Variants in KAZN observed in about 807,000 individuals in gnomAD.
The protein encoded by KAZN is kazrin, periplakin interacting protein, also known as kazrin.
Under a neutral mutation model 87.4 loss-of-function variants are expected in KAZN, and 40 were observed. That is an observed-to-expected ratio of 0.46 (90% CI 0.36 to 0.60). The LOEUF is 0.60. KAZN is among the 20% of genes least tolerant of loss of function. KAZN has a pLI of 0.00. For missense variants in KAZN, 898 were observed against 1,073.9 expected (o/e 0.84, Z 2.29); for synonymous variants, 466 against 458.3 (o/e 1.02, Z -0.22).
intron 2 of KAZN, among the ~76,000 whole-genome samples, chr1:15,000,424 C>T (rs1668348850): frequency 6.6e-6 from 1 of 151,860 alleles, no homozygotes. Flanking sequence ...TAATTTGTTA[C>T]AGCAACAATA....
chr1:14,676,129 T>TC (rs1443693978), intron 1 of KAZN, among the ~76,000 whole-genome samples: 3 of 152,206 alleles, frequency 2.0e-5, no homozygotes, highest in Non-Finnish European at 4.4e-5. Flanking sequence ...TGGTTTTTTT[T>TC]CCGGTTTGAA....
intron 2 of KAZN, among the ~76,000 whole-genome samples, chr1:14,450,660 C>T (rs954188878): frequency 1.3e-5 from 2 of 152,030 alleles, no homozygotes; most frequent in African/African-American, 4.8e-5. Flanking sequence ...GATATTGTGA[C>T]GATGGTGGGG....
rs780049691 is a variant in KAZN at position 15,112,421 on chromosome 1, C to G, written c.2049-6C>G. The G allele has an allele frequency of 6.3e-6, 10 of 1,576,326 alleles. No homozygotes were observed. The highest frequency in any genetic ancestry group is 1.3e-5 in the African/African-American group (1 of 74,184). On this transcript the variant is annotated splice_polypyrimidine_tract_variant and splice_region_variant and intron_variant, in intron 13 of 14. Transcript: ENST00000376030. Reference sequence around the variant, plus strand: ...CCCTGCTGACTCAAAATGGTCCTCTCTTCAGCTCCACAGGCATCCGGGAGG... The same window carrying G: ...CCCTGCTGACTCAAAATGGTCCTCTGTTCAGCTCCACAGGCATCCGGGAGG...
intron 2 of KAZN, among the ~76,000 whole-genome samples, chr1:14,204,044 A>G (rs1646691710): frequency 6.6e-6 from 1 of 152,252 alleles, no homozygotes; most frequent in Non-Finnish European, 1.5e-5. Flanking sequence ...AGAAAACCCA[A>G]GAAAGAAGCT....
At chr1:14,169,238 C>T (rs1431823690) in intron 1 of KAZN, among the ~76,000 whole-genome samples, 1 of 152,098 alleles carries the variant, frequency 6.6e-6, no homozygotes, top group Non-Finnish European at 1.5e-5. Context: ...GGCTCTATCT[C>T]TGCTCTGTAT....
chr1:15,103,440 G>T lies in KAZN; in HGVS notation c.1861G>T (p.Val621Phe). The T allele has an allele frequency of 6.4e-7, 1 of 1,552,378 alleles. No individual in the cohort carries two copies. The highest frequency in any genetic ancestry group is 8.7e-7 in the Non-Finnish European group (1 of 1,147,404). The change falls in exon 12 of 15, where the codon GTT (valine) becomes TTT (phenylalanine). Residue 621 changes from valine (V) to phenylalanine (F), a missense_variant. Physicochemically the swap from Val to Phe is conservative, Grantham distance 50 (BLOSUM62 -1). Around this residue, in one of 3 missense-constraint regions of KAZN, gnomAD observed 521 missense variants for 689.4 expected, o/e 0.76. Coordinates refer to ENST00000376030, the MANE Select transcript of KAZN (RefSeq NM_201628.3). Reference protein sequence around the residue: ...VWTNQRVLKWVRDIDLKEYAD... With the variant: ...VWTNQRVLKWFRDIDLKEYAD... Reference sequence around the variant, plus strand: ...GACCAACCAGCGGGTGCTCAAGTGGGTTCGAGACATCGACCTGAAGGTGAG... The same window carrying T: ...GACCAACCAGCGGGTGCTCAAGTGGTTTCGAGACATCGACCTGAAGGTGAG...
At chr1:15,103,156 G>A (rs555481) in intron 11 of KAZN, among the ~76,000 whole-genome samples, 145,326 of 152,300 alleles carry the variant, frequency 0.95, 69,382 homozygotes, top group East Asian at 0.99. Flanking sequence ...AATCCCAGCT[G>A]CTCGGGAAGC....
chr1:15,105,493 A>G (rs1641263190), intron 13 of KAZN, among the ~76,000 whole-genome samples: 1 of 152,020 alleles, frequency 6.6e-6, no homozygotes. Context: ...TCTTATATAT[A>G]AAGTTGGTAG....
At chr1:14,622,833 C>T in intron 1 of KAZN, among the ~76,000 whole-genome samples, 1 of 151,920 alleles carries the variant, frequency 6.6e-6, no homozygotes, top group South Asian at 2.1e-4. Context: ...CTTTGGAATC[C>T]AATAAGTCTG....
intron 2 of KAZN, among the ~76,000 whole-genome samples, chr1:14,212,572 G>A (rs946436403): frequency 6.6e-6 from 1 of 151,942 alleles, no homozygotes; most frequent in African/African-American, 2.4e-5. Flanking sequence ...GGAATAGAAA[G>A]TGACAGTAGC....
At chr1:15,005,392 C>A (rs1188657586) in intron 2 of KAZN, among the ~76,000 whole-genome samples, 2 of 152,184 alleles carry the variant, frequency 1.3e-5, no homozygotes, top group African/African-American at 2.4e-5. Context: ...CCGAGACTGA[C>A]CCTGCCAACT....
chr1:14,586,331 G>A (rs991400013), intron 2 of KAZN, among the ~76,000 whole-genome samples: 9 of 152,054 alleles, frequency 5.9e-5, no homozygotes, highest in Non-Finnish European at 1.0e-4. Context: ...AGTTTAATAC[G>A]GTTCAACAAA....
chr1:14,546,000 A>G (rs1390035756), intron 2 of KAZN, among the ~76,000 whole-genome samples: 2 of 152,148 alleles, frequency 1.3e-5, no homozygotes, highest in African/African-American at 2.4e-5. Flanking sequence ...TATTTGGTGA[A>G]TAAGATTACT....
chr1:14,587,402 C>G (rs1675919149), intron 2 of KAZN, among the ~76,000 whole-genome samples: 1 of 149,794 alleles, frequency 6.7e-6, no homozygotes. Flanking sequence ...TGCCACTGCA[C>G]TCCAGCCTGG....
At position 14,599,318 on chromosome 1, in the gene KAZN, C is replaced by G; in HGVS notation, c.226+95C>G. Reference sequence around the variant, plus strand: ...GACCCGGGGTCCCCCACACCCGGGGCGAAATCGCTTTGCATTCTGGCTTGT... The same window carrying G: ...GACCCGGGGTCCCCCACACCCGGGGGGAAATCGCTTTGCATTCTGGCTTGT... On this transcript the variant is annotated intron_variant, in intron 1 of 14. Transcript: ENST00000376030. This position sits in a 1 kb window ranked among gnomAD's most constrained non-coding sequence, Gnocchi z 4.4. The G allele has an allele frequency of 1.6e-6, 2 of 1,213,976 alleles. No homozygotes were observed. Among genetic ancestry groups the G allele is most frequent in the Middle Eastern group, 6.4e-4 (2 of 3,140 alleles). The allele number at this position is 1,213,976 out of a possible 1,614,324, so 75.2% of individuals were successfully genotyped here. A position where few individuals can be genotyped will look rare whatever the true frequency, so the allele number is the denominator to read the frequency against.
intron 1 of KAZN, among the ~76,000 whole-genome samples, chr1:14,014,409 C>T (rs1401075918): frequency 6.6e-6 from 1 of 151,972 alleles, no homozygotes; most frequent in Non-Finnish European, 1.5e-5. Context: ...TGTCCCAGGG[C>T]CCTGGTTAAG....
intron 1 of KAZN, among the ~76,000 whole-genome samples, chr1:14,768,879 G>A (rs1023097609): frequency 7.2e-5 from 11 of 152,306 alleles, no homozygotes; most frequent in South Asian, 2.1e-4. Flanking sequence ...CCGGAGATTC[G>A]CGCCATGTGA....
At chr1:14,515,133 G>T (rs2148454920) in intron 2 of KAZN, among the ~76,000 whole-genome samples, 1 of 152,166 alleles carries the variant, frequency 6.6e-6, no homozygotes, top group South Asian at 2.1e-4. Context: ...CTGACACTAG[G>T]TCATAATTCT....
chr1:14,532,295 G>C (rs74057811), intron 2 of KAZN, among the ~76,000 whole-genome samples: 41 of 152,024 alleles, frequency 2.7e-4, no homozygotes, highest in Admixed American at 7.9e-4. Context: ...CCCCAGACCC[G>C]CCCTCACTCG....
Sources: allele counts gnomAD v4.1 joint callset (sites outside exome capture counted in the v4.1 genomes callset), GRCh38; gene constraint gnomAD v4.1.1; regional missense constraint gnomAD v4.1.1; non-coding constraint Gnocchi (gnomAD v3.1); transcripts MANE v1.5; gene names NCBI Gene and HGNC (gene_info 2026-07-23, HGNC 2026-07-21).